The following SLC25A18 variants were observed in gnomAD, a reference collection of about 807,000 sequenced individuals.
The protein encoded by SLC25A18 is solute carrier family 25 member 18, also known as mitochondrial glutamate carrier 2.
SLC25A18 carries 24 observed loss-of-function variants against 31.1 expected under a neutral mutation model. The ratio of observed to expected loss-of-function variants is 0.77; its 90% CI spans 0.56 to 1.08. SLC25A18 has a LOEUF of 1.08. Ranked by LOEUF, SLC25A18 falls within the 50% of genes least tolerant of loss-of-function variation. The probability of loss-of-function intolerance (pLI) is 0.00; values close to 1 mark genes in which losing one functional copy is unlikely to be tolerated. For synonymous variants in SLC25A18, 173 were observed against 161.9 expected (o/e 1.07, Z -0.52); for missense variants, 371 against 418.5 (o/e 0.89, Z 0.99).
rs181309244 is a variant in SLC25A18, at chr22:17,581,003, C to T, written c.21-34C>T. 4 of 1,521,440 alleles carry T rather than the reference C, an allele frequency of 2.6e-6. No homozygotes were observed. In the East Asian group the frequency reaches 7.4e-5, roughly 28 times the overall value. The allele number at this position is 1,521,440 out of a possible 1,614,324, so 94.2% of individuals were successfully genotyped here. A position where few individuals can be genotyped will look rare whatever the true frequency, so the allele number is the denominator to read the frequency against. Reference sequence around the variant, plus strand: ...GCTCCCTAACCTGCCCCTCCCTCTGCCTCTCTCCTCCCCCTGTCCTCCCCC... The same window carrying T: ...GCTCCCTAACCTGCCCCTCCCTCTGTCTCTCTCCTCCCCCTGTCCTCCCCC... On this transcript the variant is annotated intron_variant, in intron 3 of 10. Coordinates refer to ENST00000327451, the MANE Select transcript of SLC25A18 (RefSeq NM_031481.3).
chr22:17,584,755 T>G (rs2057490754), intron 7 of SLC25A18, among the ~76,000 whole-genome samples: 1 of 111,000 alleles, frequency 9.0e-6, no homozygotes, highest in Admixed American at 1.4e-4. Context: ...CACTCCAGCC[T>G]GGAGGACAAA....
chr22:17,585,588 G>C (rs2146268956), intron 7 of SLC25A18, among the ~76,000 whole-genome samples: 1 of 151,400 alleles, frequency 6.6e-6, no homozygotes, highest in South Asian at 2.1e-4. Context: ...CAAATCCCAT[G>C]GTTATTAATG....
intron 1 of SLC25A18, among the ~76,000 whole-genome samples, chr22:17,566,150 G>A (rs901575284): frequency 3.3e-5 from 5 of 152,096 alleles, no homozygotes; most frequent in African/African-American, 1.2e-4. Context: ...GCACTGCACC[G>A]CTGTTTCTGG....
Position 17,571,807 on chromosome 22 carries a change from T to A in SLC25A18, c.-201+1821T>A, listed in dbSNP as rs373632335. 2.8e-4 allele frequency among the ~76,000 whole-genome samples: 40 copies of A among 144,174 alleles called. No individual in the cohort carries two copies. The East Asian group carries it at 7.1e-3, about 25-fold the overall frequency. The allele number at this position is 144,174 out of a possible 152,430, so 94.6% of individuals were successfully genotyped here. A position where few individuals can be genotyped will look rare whatever the true frequency, so the allele number is the denominator to read the frequency against. On this transcript the variant is annotated intron_variant, in intron 2 of 10. Coordinates refer to ENST00000327451, the MANE Select transcript of SLC25A18 (RefSeq NM_031481.3). The stretch of plus-strand genomic sequence containing the variant: ...CCCAAGGCAGACGGATCAGTTGAGG[T>A]GAGGAGTTTGAGACCACCCTGGCCA...
At chr22:17,580,898 G>A in intron 3 of SLC25A18, 139 bp from the exon 4 acceptor site, 2 of 1,429,384 alleles carry the variant, frequency 1.4e-6, no homozygotes, top group East Asian at 5.2e-5. Flanking sequence ...CTGGGCCAGG[G>A]AGGCTGAAGA....
chr22:17,564,237 C>G (rs1459253479), intron 1 of SLC25A18, among the ~76,000 whole-genome samples: 1 of 152,226 alleles, frequency 6.6e-6, no homozygotes, highest in Non-Finnish European at 1.5e-5. Flanking sequence ...CTCTCCCCAC[C>G]ACCTCAGCCT....
chr22:17,580,075 C>T, intron 3 of SLC25A18, 111 bp downstream of exon 3: 1 of 1,028,348 alleles, frequency 9.7e-7, no homozygotes, highest in Non-Finnish European at 1.5e-6. Context: ...TAGGGAAGAG[C>T]AAGACCCCTG....
Position 17,574,132 on chromosome 22 carries a change from G to A in SLC25A18, c.-201+4146G>A, listed in dbSNP as rs1013754266. Among the ~76,000 whole-genome samples, 8 of 152,314 alleles carry A rather than the reference G, an allele frequency of 5.3e-5. No individual in the cohort carries two copies. In the South Asian group the frequency reaches 1.7e-3, roughly 32 times the overall value. On this transcript the variant is annotated intron_variant, in intron 2 of 10. Coordinates refer to ENST00000327451, the MANE Select transcript of SLC25A18 (RefSeq NM_031481.3). ...ACCTATGGTCCCAACTCCTTGGGAG[G>A]CTGAGGTGGGAGGATCGCTTGAGCC...
chr22:17,578,038 G>A (rs1284241007), intron 2 of SLC25A18, among the ~76,000 whole-genome samples: 1 of 149,540 alleles, frequency 6.7e-6, no homozygotes, highest in African/African-American at 2.5e-5. Context: ...AGGCTGGAGT[G>A]TAGTGGTGTG....
intron 2 of SLC25A18, among the ~76,000 whole-genome samples, chr22:17,576,904 G>T (rs1379535746): frequency 1.3e-5 from 2 of 152,226 alleles, no homozygotes; most frequent in Admixed American, 1.3e-4. Flanking sequence ...CAGTAGCCCA[G>T]GCTGGAGTGC....
intron 2 of SLC25A18, among the ~76,000 whole-genome samples, chr22:17,579,539 T>C (rs1157150390): frequency 6.6e-6 from 1 of 152,128 alleles, no homozygotes; most frequent in Non-Finnish European, 1.5e-5. Context: ...TCCTCCAGCC[T>C]CAGCAGGCTG....
chr22:17,580,934 G>A (rs773801876), intron 3 of SLC25A18, 103 bp from the exon 4 acceptor site: 10 of 1,458,166 alleles, frequency 6.9e-6, no homozygotes, highest in Non-Finnish European at 9.1e-6. Context: ...TGTGGGGCTG[G>A]GGTTCCCCAC....
At chr22:17,572,805 C>G (rs2057131585) in intron 2 of SLC25A18, among the ~76,000 whole-genome samples, 1 of 150,862 alleles carries the variant, frequency 6.6e-6, no homozygotes, top group African/African-American at 2.5e-5. Context: ...CCACGCCCGG[C>G]TAATTTTTTG....
At chr22:17,584,781 CAAA>C (rs66948770) in intron 7 of SLC25A18, among the ~76,000 whole-genome samples, 99 of 20,054 alleles carry the variant, frequency 4.9e-3, no homozygotes, top group African/African-American at 0.013. Flanking sequence ...GAATTCATCT[CAAA>C]AAAAAAAAAA....
In SLC25A18 at chr22:17,572,636, A is replaced by ATT. The variant is rs1601279642; in HGVS notation, c.-201+2650_-201+2651insTT. ...TGGCGAGACCCCATCTCTACAAATA[A>ATT]ATTTTTTTTTTTTTTTTTTTTTTGA... is the stretch of plus-strand genomic sequence containing the variant. On this transcript the variant is annotated intron_variant, in intron 2 of 10. Coordinates refer to ENST00000327451, the MANE Select transcript of SLC25A18 (RefSeq NM_031481.3). Among the ~76,000 whole-genome samples, 519 of 103,002 alleles carry ATT rather than the reference A, an allele frequency of 5.0e-3. 45 individuals are homozygous for ATT. Among genetic ancestry groups the ATT allele is most frequent in the African/African-American group, 0.015 (418 of 28,048 alleles). 67.6% of individuals were successfully genotyped at this position (103,002 alleles called of 152,430 possible).
intron 7 of SLC25A18, among the ~76,000 whole-genome samples, chr22:17,584,638 G>A (rs1319822764): frequency 6.6e-6 from 1 of 151,524 alleles, no homozygotes; most frequent in African/African-American, 2.4e-5. Context: ...AAATTAGCCA[G>A]GCGTGGTGGT....
intron 9 of SLC25A18, chr22:17,588,306 C>T (rs2057612730): frequency 2.0e-6 from 1 of 504,644 alleles, no homozygotes; most frequent in Admixed American, 3.6e-5. Context: ...TTTTCATCCC[C>T]TCAGAAGAGT....
intron 2 of SLC25A18, 125 bp from the exon 3 acceptor site, chr22:17,579,620 T>G: frequency 1.4e-6 from 1 of 706,720 alleles, no homozygotes; most frequent in Non-Finnish European, 1.9e-6. Flanking sequence ...AGGATTCTGA[T>G]TTGAATCCCA....
intron 2 of SLC25A18, among the ~76,000 whole-genome samples, chr22:17,571,139 C>G (rs138418028): frequency 6.6e-6 from 1 of 152,280 alleles, no homozygotes; most frequent in African/African-American, 2.4e-5. Context: ...GAGCCTGTCC[C>G]GAGAGCCGTG....
Sources: gnomAD v4.1 joint callset for allele counts (sites outside exome capture counted in the v4.1 genomes callset) on GRCh38, gnomAD v4.1.1 for gene constraint, MANE v1.5 for transcripts, NCBI Gene and HGNC (gene_info 2026-07-23, HGNC 2026-07-21) for gene names.